Variants in STK32C observed in about 807,000 individuals in gnomAD.
STK32C encodes serine/threonine-protein kinase 32C.
Under a neutral mutation model 56.5 loss-of-function variants are expected in STK32C, and 31 were observed. The observed-to-expected ratio is 0.55, with a 90% confidence interval of 0.41 to 0.74. STK32C has a LOEUF of 0.74. Ranked by LOEUF, STK32C falls within the 30% of genes least tolerant of loss-of-function variation. The pLI, the probability that STK32C is intolerant of heterozygous loss-of-function variation, is 0.00. For synonymous variants in STK32C, 309 were observed against 289.4 expected (o/e 1.07, Z -0.69); for missense variants, 544 against 676.9 (o/e 0.80, Z 2.18).
At chr10:132,309,529 C>G (rs2066180590), upstream of STK32C, among the ~76,000 whole-genome samples, 1 of 152,254 alleles carries the variant, frequency 6.6e-6, no homozygotes, top group Non-Finnish European at 1.5e-5. Flanking sequence ...ACGCATCGGT[C>G]TCTAACTTCC....
chr10:132,303,467 G>GA lies in STK32C; in HGVS notation c.262+4104dup, dbSNP rs202138623. Among the ~76,000 whole-genome samples the GA allele has an allele frequency of 8.6e-3, 1,305 of 152,268 alleles. 21 individuals carry two copies. Among genetic ancestry groups the GA allele is most frequent in the African/African-American group, 0.029 (1,214 of 41,546 alleles). On this transcript the variant is annotated intron_variant, in intron 1 of 11. Transcript: ENST00000298630. ...CACACAAATTAAACACATCCATAGA[G>GA]AAAAAAGCTAAGTAGCAACATTAAA...
At chr10:132,216,483 G>A (rs1403749379) in intron 10 of STK32C, among the ~76,000 whole-genome samples, 1 of 133,574 alleles carries the variant, frequency 7.5e-6, no homozygotes, top group Non-Finnish European at 1.7e-5. Flanking sequence ...AAAAAAAAAA[G>A]AGAGAAAAAA....
At chr10:132,230,022 C>T (rs909968160) in intron 2 of STK32C, among the ~76,000 whole-genome samples, 6 of 152,184 alleles carry the variant, frequency 3.9e-5, no homozygotes, top group African/African-American at 1.4e-4. Flanking sequence ...GTGTTGGGGG[C>T]TGCCCAGAGG....
intron 11 of STK32C, 23 bp downstream of exon 11, chr10:132,209,011 C>G (rs1214503827): frequency 2.5e-6 from 4 of 1,606,978 alleles, no homozygotes; most frequent in Middle Eastern, 1.7e-4. Context: ...GCCACCACGC[C>G]CACCCACCCC....
At chr10:132,260,052 G>A (rs1440921182) in intron 1 of STK32C, among the ~76,000 whole-genome samples, 1 of 149,746 alleles carries the variant, frequency 6.7e-6, no homozygotes, top group East Asian at 1.9e-4. Context: ...AATGCACGCT[G>A]TGTAAAGTCT....
At chr10:132,331,695 G>A in exon 1 of STK32C, 1 of 1,612,602 alleles carries the variant, frequency 6.2e-7, no homozygotes, top group Non-Finnish European at 8.5e-7. Context: ...GAGCAGCCCC[G>A]CCCGCCCCGG....
intron 1 of STK32C, among the ~76,000 whole-genome samples, chr10:132,316,065 T>C (rs892116401): frequency 2.0e-5 from 3 of 152,184 alleles, no homozygotes; most frequent in African/African-American, 4.8e-5. Flanking sequence ...AAATAAGAGA[T>C]GTTAAAAATC....
At chr10:132,331,733 G>A (rs2066757315) in exon 1 of STK32C, 7 of 1,612,158 alleles carry the variant, frequency 4.3e-6, no homozygotes, top group Non-Finnish European at 5.9e-6. Context: ...ACGGCACTTA[G>A]CATCCCGCTC....
chr10:132,321,538 T>C (rs1171328133), downstream of STK32C, among the ~76,000 whole-genome samples: 4 of 152,120 alleles, frequency 2.6e-5, no homozygotes, highest in African/African-American at 9.7e-5. Flanking sequence ...CTTTAAAATT[T>C]CCATCTAAGG....
chr10:132,230,327 G>A (rs1424106970), intron 2 of STK32C, among the ~76,000 whole-genome samples: 2 of 152,240 alleles, frequency 1.3e-5, no homozygotes, highest in Non-Finnish European at 2.9e-5. Context: ...GGGCAGAGTC[G>A]CGTGGCTCGG....
intron 2 of STK32C, among the ~76,000 whole-genome samples, chr10:132,228,374 G>C (rs1449525983): frequency 6.6e-6 from 1 of 152,172 alleles, no homozygotes; most frequent in Admixed American, 6.5e-5. Flanking sequence ...CCCCCCAGAG[G>C]TTCCTGTACT....
chr10:132,228,165 G>A (rs1176496141), intron 2 of STK32C, 37 bp from the exon 3 acceptor site: 4 of 1,613,598 alleles, frequency 2.5e-6, no homozygotes, highest in Non-Finnish European at 3.4e-6. Flanking sequence ...GACGCCTGAG[G>A]ACGCCTGGGG....
Position 132,245,416 on chromosome 10 carries a change from G to C in STK32C, c.318+484C>G, listed in dbSNP as rs2063652925. On this transcript the variant is annotated intron_variant, in intron 2 of 11. Transcript: ENST00000298630. Reference sequence around the variant, plus strand: ...ATCAGGAAGTTAGATCTGGTCAAGAGAAAACAAAAGGAGAGTAAAGGAACG... The same window carrying C: ...ATCAGGAAGTTAGATCTGGTCAAGACAAAACAAAAGGAGAGTAAAGGAACG... Among the ~76,000 whole-genome samples, 3 of 152,190 alleles carry C rather than the reference G, an allele frequency of 2.0e-5. No individual in the cohort carries two copies. In the South Asian group the frequency reaches 6.2e-4, roughly 32 times the overall value.
exon 2 of STK32C, chr10:132,324,314 T>C (rs377040481): frequency 3.8e-6 from 3 of 779,602 alleles, no homozygotes; most frequent in Non-Finnish European, 7.2e-6. Context: ...TTCTTGTCTT[T>C]CCACACCATT....
intron 1 of STK32C, among the ~76,000 whole-genome samples, chr10:132,264,090 C>T (rs4880363): frequency 0.3 from 45,245 of 151,854 alleles, 7,697 homozygotes; most frequent in Admixed American, 0.44. Context: ...CAGGCGGTGG[C>T]GACGGATGTA....
At chr10:132,238,584 G>A (rs1484932260) in intron 2 of STK32C, among the ~76,000 whole-genome samples, 1 of 152,160 alleles carries the variant, frequency 6.6e-6, no homozygotes, top group Non-Finnish European at 1.5e-5. Flanking sequence ...ATTCATGCAG[G>A]GGATGTGGGC....
intron 11 of STK32C, among the ~76,000 whole-genome samples, chr10:132,208,530 A>G (rs928578425): frequency 5.9e-5 from 9 of 152,160 alleles, no homozygotes; most frequent in South Asian, 2.1e-4. Flanking sequence ...CGTCCTGTCC[A>G]TAAGAGCTCA....
intron 2 of STK32C, among the ~76,000 whole-genome samples, chr10:132,235,499 A>G (rs1389090475): frequency 2.0e-5 from 3 of 150,808 alleles, no homozygotes; most frequent in Non-Finnish European, 4.4e-5. Flanking sequence ...AGCCTTAAAA[A>G]AAAAAAAAAA....
chr10:132,252,945 C>T (rs2063958930), intron 1 of STK32C, among the ~76,000 whole-genome samples: 1 of 152,184 alleles, frequency 6.6e-6, no homozygotes, highest in Admixed American at 6.5e-5. Context: ...AGCCCCCACA[C>T]CTCCCACGGT....
Sources: gnomAD v4.1 joint callset for allele counts (sites outside exome capture counted in the v4.1 genomes callset) on GRCh38, gnomAD v4.1.1 for gene constraint, MANE v1.5 for transcripts, NCBI Gene and HGNC (gene_info 2026-07-23, HGNC 2026-07-21) for gene names.